CTNNA3: variants seen among roughly 807,000 people sequenced by gnomAD.
The protein encoded by CTNNA3 is catenin alpha-3.
CTNNA3 carries 76 observed loss-of-function variants against 95.7 expected under a neutral mutation model. The ratio of observed to expected loss-of-function variants is 0.79; its 90% CI spans 0.66 to 0.96. The LOEUF is 0.96. CTNNA3 is among the 40% of genes least tolerant of loss of function. CTNNA3 has a pLI of 0.00. For missense variants in CTNNA3, 1,191 were observed against 1,089.8 expected (o/e 1.09, Z -1.31); for synonymous variants, 431 against 374.4 (o/e 1.15, Z -1.74).
At chr10:66,854,591 A>C (rs1054741027) in intron 7 of CTNNA3, among the ~76,000 whole-genome samples, 4 of 151,936 alleles carry the variant, frequency 2.6e-5, no homozygotes, top group Non-Finnish European at 5.9e-5. Context: ...ATCCAGGAGG[A>C]ATTTATTGGT....
chr10:67,554,408 T>TCCAGCA (rs1350062763), intron 3 of CTNNA3, among the ~76,000 whole-genome samples: 2 of 152,202 alleles, frequency 1.3e-5, no homozygotes, highest in African/African-American at 4.8e-5. Flanking sequence ...CCACATCCTC[T>TCCAGCA]CCAGCACCTG....
chr10:66,234,594 T>G (rs2089760166), intron 13 of CTNNA3, among the ~76,000 whole-genome samples: 1 of 152,224 alleles, frequency 6.6e-6, no homozygotes, highest in Admixed American at 6.5e-5. Context: ...AGTATTTGAT[T>G]GAGACTGACA....
intron 5 of CTNNA3, among the ~76,000 whole-genome samples, chr10:67,482,019 T>C (rs986246530): frequency 6.6e-6 from 1 of 152,100 alleles, no homozygotes; most frequent in African/African-American, 2.4e-5. Context: ...CTTTCCCCAT[T>C]GCTTGTTTTT....
chr10:67,013,325 T>C (rs1401231017), intron 7 of CTNNA3, among the ~76,000 whole-genome samples: 1 of 152,216 alleles, frequency 6.6e-6, no homozygotes, highest in Non-Finnish European at 1.5e-5. Context: ...TTTATTTCAG[T>C]GAGTAGTTAT....
At chr10:67,710,824 T>A (rs1407678818) in intron 1 of CTNNA3, among the ~76,000 whole-genome samples, 3 of 152,176 alleles carry the variant, frequency 2.0e-5, no homozygotes, top group African/African-American at 7.2e-5. Flanking sequence ...GAGAACAGGA[T>A]CCAAAGCAGC....
chr10:66,996,031 G>A (rs965387171), intron 7 of CTNNA3, among the ~76,000 whole-genome samples: 9 of 151,998 alleles, frequency 5.9e-5, no homozygotes, highest in East Asian at 5.8e-4. Flanking sequence ...ATTTTAGTAC[G>A]CTTTATTTTA....
rs60547696 is a variant in CTNNA3 at position 66,487,181 on chromosome 10, ATTTTTTTTTTTTTTTTTT to A, written c.1531+33418_1531+33435del. On this transcript the variant is annotated intron_variant, in intron 11 of 17. Transcript: ENST00000433211. The stretch of plus-strand genomic sequence containing the variant: ...TACTTGAAATTTAATAAAAGGGCAG[ATTTTTTTTTTTTTTTTTT>A]TTTTTTTTTTTTTTTTTTTTGAGAC... 2.2e-3 allele frequency among the ~76,000 whole-genome samples: 103 copies of A among 45,990 alleles called. 1 individual carries two copies. Among genetic ancestry groups the A allele is most frequent in the South Asian group, 0.018 (20 of 1,096 alleles). 30.2% of individuals were successfully genotyped at this position (45,990 alleles called of 152,430 possible). A position where few individuals can be genotyped will look rare whatever the true frequency, so the allele number is the denominator to read the frequency against.
At position 67,620,354 on chromosome 10, in the gene CTNNA3, T is replaced by C. The variant is rs144246386; in HGVS notation, c.100-13305A>G. 1.2e-3 allele frequency among the ~76,000 whole-genome samples: 178 copies of C among 152,278 alleles called. 1 individual carries two copies. Among genetic ancestry groups the C allele is most frequent in the African/African-American group, 4.2e-3 (174 of 41,564 alleles). ...GACCAGCCACTCGGCAGGCACTAAG[T>C]GTCCAAAGGTCACCACATGGGTCCA... is the stretch of plus-strand genomic sequence containing the variant. On this transcript the variant is annotated intron_variant, in intron 2 of 17. Transcript: ENST00000433211.
intron 11 of CTNNA3, among the ~76,000 whole-genome samples, chr10:66,398,948 G>C (rs1345423208): frequency 6.6e-6 from 1 of 151,904 alleles, no homozygotes; most frequent in African/African-American, 2.4e-5. Flanking sequence ...ACAACATCTG[G>C]TCTGATTTCC....
At chr10:66,310,400 A>G (rs1373824758) in intron 12 of CTNNA3, among the ~76,000 whole-genome samples, 2 of 152,170 alleles carry the variant, frequency 1.3e-5, no homozygotes, top group African/African-American at 4.8e-5. Flanking sequence ...AATTTAGTTC[A>G]GTACCCCACG....
intron 9 of CTNNA3, among the ~76,000 whole-genome samples, chr10:66,631,703 C>T (rs1256045593): frequency 1.3e-5 from 2 of 152,002 alleles, no homozygotes; most frequent in Non-Finnish European, 1.5e-5. Flanking sequence ...TAAGCATTCC[C>T]ACTATAAGTG....
chr10:67,160,293 T>C (rs1005484204), intron 7 of CTNNA3, among the ~76,000 whole-genome samples: 4 of 152,116 alleles, frequency 2.6e-5, no homozygotes, highest in African/African-American at 9.7e-5. Context: ...ATGTCACAGC[T>C]ATGGAAAACA....
intron 9 of CTNNA3, among the ~76,000 whole-genome samples, chr10:66,626,552 C>A (rs1564577496): frequency 6.6e-6 from 1 of 151,936 alleles, no homozygotes; most frequent in African/African-American, 2.4e-5. Context: ...GCAGGACAGC[C>A]CAAAGTTACA....
At chr10:66,204,194 T>A (rs10996971) in intron 13 of CTNNA3, among the ~76,000 whole-genome samples, 24,518 of 152,068 alleles carry the variant, frequency 0.16, 2,472 homozygotes, top group Middle Eastern at 0.23. Flanking sequence ...CATTACTTCA[T>A]CTCTTCACTT....
chr10:66,170,303 A>G (rs748553186), intron 13 of CTNNA3, among the ~76,000 whole-genome samples: 7 of 139,300 alleles, frequency 5.0e-5, no homozygotes, highest in African/African-American at 1.4e-4. Context: ...GAGACTTTGG[A>G]ACAACAGAAA....
At chr10:65,937,618 T>C (rs2077363006) in intron 17 of CTNNA3, among the ~76,000 whole-genome samples, 1 of 152,164 alleles carries the variant, frequency 6.6e-6, no homozygotes, top group African/African-American at 2.4e-5. Flanking sequence ...AGTTTCTTTG[T>C]GCACCCTGTT....
rs113953664 is a variant in CTNNA3, at chr10:66,437,679, C to G, written c.1532-58327G>C. 3.3e-5 allele frequency among the ~76,000 whole-genome samples: 5 copies of G among 151,966 alleles called. No homozygotes were observed. In the East Asian group the frequency reaches 9.7e-4, roughly 30 times the overall value. On this transcript the variant is annotated intron_variant, in intron 11 of 17. Coordinates refer to ENST00000433211, the MANE Select transcript of CTNNA3 (RefSeq NM_013266.4). ...TTTGCTCAGAGGAGTTTGTTATTAC[C>G]CACCTTCCGAAGCCTACTTCTGTCA...
intron 9 of CTNNA3, among the ~76,000 whole-genome samples, chr10:66,750,463 G>C (rs1287752404): frequency 6.6e-6 from 1 of 152,142 alleles, no homozygotes; most frequent in African/African-American, 2.4e-5. Flanking sequence ...CATCATTTCT[G>C]AAAAACTATC....
chr10:66,400,531 T>C (rs2093012366), intron 11 of CTNNA3, among the ~76,000 whole-genome samples: 1 of 152,038 alleles, frequency 6.6e-6, no homozygotes, highest in Non-Finnish European at 1.5e-5. Flanking sequence ...TAGATATAGA[T>C]ATATAGATAT....
Sources: allele counts gnomAD v4.1 joint callset (sites outside exome capture counted in the v4.1 genomes callset), GRCh38; gene constraint gnomAD v4.1.1; transcripts MANE v1.5; gene names NCBI Gene and HGNC (gene_info 2026-07-23, HGNC 2026-07-21).